The following ZFHX3 variants were observed in gnomAD, a reference collection of about 807,000 sequenced individuals.
ZFHX3 encodes the protein zinc finger homeobox 3.
In ZFHX3, 42 loss-of-function variants were observed where a neutral mutation model predicts 279.1. The observed-to-expected ratio is 0.15, with a 90% CI of 0.12 to 0.19. ZFHX3 has a LOEUF of 0.19. Among genes scored for constraint, ZFHX3 ranks in the 10% least tolerant of loss-of-function variants. ZFHX3 has a pLI of 1.00. For missense variants in ZFHX3, 4,981 were observed against 4,754.0 expected (o/e 1.05, Z -1.40); for synonymous variants, 2,293 against 1,957.8 (o/e 1.17, Z -4.52).
At chr16:73,571,985 G>A (rs1035849963) in intron 2 of ZFHX3, among the ~76,000 whole-genome samples, 59 of 152,138 alleles carry the variant, frequency 3.9e-4, no homozygotes, top group Admixed American at 5.2e-4. Context: ...CAGCCCAGAA[G>A]TTCTAAGGGA....
chr16:72,925,600 C>A (rs1959405329), intron 3 of ZFHX3, among the ~76,000 whole-genome samples: 1 of 152,260 alleles, frequency 6.6e-6, no homozygotes, highest in Non-Finnish European at 1.5e-5. Flanking sequence ...TCCACTTAAC[C>A]CCGTCCCGTG....
intron 5 of ZFHX3, among the ~76,000 whole-genome samples, chr16:72,823,225 C>A (rs766331698): frequency 6.6e-6 from 1 of 152,160 alleles, no homozygotes. Flanking sequence ...AAAGGGGCCA[C>A]GCAAAATGGG....
chr16:73,270,824 G>A (rs556318145), intron 4 of ZFHX3, among the ~76,000 whole-genome samples: 14 of 152,162 alleles, frequency 9.2e-5, no homozygotes, highest in East Asian at 1.9e-4. Flanking sequence ...TACCCACTGC[G>A]TGCTGGGAGG....
chr16:73,707,643 T>C (rs909504787), intron 1 of ZFHX3, among the ~76,000 whole-genome samples: 2 of 150,010 alleles, frequency 1.3e-5, no homozygotes, highest in Non-Finnish European at 3.0e-5. Context: ...TAATGCTAAA[T>C]GACAAGTTAA....
At chr16:73,880,532 G>A (rs2030112169) in intron 1 of ZFHX3, among the ~76,000 whole-genome samples, 1 of 152,164 alleles carries the variant, frequency 6.6e-6, no homozygotes, top group Admixed American at 6.6e-5. Context: ...AAAGAAGTTA[G>A]AGTCTGGGGA....
intron 4 of ZFHX3, among the ~76,000 whole-genome samples, chr16:72,867,548 GA>G (rs2038051982): frequency 6.6e-6 from 1 of 152,172 alleles, no homozygotes; most frequent in Admixed American, 6.5e-5. Flanking sequence ...TACCCTCATG[GA>G]GTACGACTAC....
intron 5 of ZFHX3, among the ~76,000 whole-genome samples, chr16:73,147,421 G>C (rs1292158927): frequency 6.6e-6 from 1 of 151,926 alleles, no homozygotes; most frequent in Non-Finnish European, 1.5e-5. Flanking sequence ...GGCCGGGCGC[G>C]GTGGCTCACG....
intron 2 of ZFHX3, among the ~76,000 whole-genome samples, chr16:73,536,499 T>A (rs2019903939): frequency 6.6e-6 from 1 of 152,238 alleles, no homozygotes; most frequent in African/African-American, 2.4e-5. Context: ...AGAAAAGAAA[T>A]GCAATTCCTT....
chr16:72,788,504 T>C lies in ZFHX3; in HGVS notation c.9772A>G (p.Lys3258Glu), dbSNP rs1382098525. The C allele has an allele frequency of 6.2e-7, 1 of 1,614,080 alleles. No homozygotes were observed. The highest frequency in any genetic ancestry group is 1.3e-5 in the African/African-American group (1 of 74,938). ...GTGGGGGCCTCTCCTTTCTCCTTCT[T>C]GGGGACAGGCAGGGGTTCCCCTTTC... ...KGKGEPLPVP[K>E]KEKGEAPTAT... The change falls in exon 10 of 10, where the codon AAG (lysine) becomes GAG (glutamate). Residue 3258 changes from lysine (K) to glutamate (E), a missense_variant. Coordinates refer to ENST00000268489, the MANE Select transcript of ZFHX3 (RefSeq NM_006885.4).
Position 73,291,536 on chromosome 16 carries a change from A to G in ZFHX3, c.-1194+26704T>C, listed in dbSNP as rs1476335310. On this transcript the variant is annotated intron_variant, in intron 4 of 17. Coordinates refer to the ZFHX3 transcript ENST00000641206. ...ATTTTTACATTAATGACATCTCAAC[A>G]TGGAGTTGCTCAGGAGAGCATCTGC... 2.0e-5 allele frequency among the ~76,000 whole-genome samples: 3 copies of G among 152,214 alleles called. No individual in the cohort carries two copies. In the East Asian group the frequency reaches 5.8e-4, roughly 29 times the overall value.
intron 4 of ZFHX3, among the ~76,000 whole-genome samples, chr16:72,835,114 G>A (rs371777062): frequency 1.6e-4 from 24 of 152,138 alleles, no homozygotes; most frequent in South Asian, 6.2e-4. Flanking sequence ...TGTGATCCCC[G>A]AAGAATGAAA....
At chr16:72,846,848 G>A (rs2037494146) in intron 4 of ZFHX3, among the ~76,000 whole-genome samples, 1 of 152,208 alleles carries the variant, frequency 6.6e-6, no homozygotes, top group Non-Finnish European at 1.5e-5. Context: ...TCACGGTGAA[G>A]AAACACAAAG....
chr16:72,835,074 T>C (rs890390008), intron 4 of ZFHX3, among the ~76,000 whole-genome samples: 2 of 152,164 alleles, frequency 1.3e-5, no homozygotes, highest in Non-Finnish European at 2.9e-5. Context: ...GGCTCTCACA[T>C]GATCATGTTA....
chr16:73,836,454 T>A (rs1488857719), intron 1 of ZFHX3, among the ~76,000 whole-genome samples: 2 of 152,190 alleles, frequency 1.3e-5, no homozygotes, highest in African/African-American at 4.8e-5. Flanking sequence ...AAAAATGGGA[T>A]AGATTCAGGA....
chr16:73,324,582 A>C (rs542570667), intron 3 of ZFHX3, among the ~76,000 whole-genome samples: 1 of 152,360 alleles, frequency 6.6e-6, no homozygotes, highest in South Asian at 2.1e-4. Flanking sequence ...TGCAATGATG[A>C]AAGTGGGTTA....
intron 2 of ZFHX3, among the ~76,000 whole-genome samples, chr16:73,537,425 G>A (rs768397654): frequency 2.8e-5 from 4 of 142,318 alleles, no homozygotes; most frequent in African/African-American, 2.6e-5. Flanking sequence ...CAAGTGATTC[G>A]CCTGTCTCAG....
At chr16:73,524,038 T>C (rs1352114054) in intron 2 of ZFHX3, among the ~76,000 whole-genome samples, 1 of 152,174 alleles carries the variant, frequency 6.6e-6, no homozygotes, top group African/African-American at 2.4e-5. Flanking sequence ...CTGGCAGCTC[T>C]GCTGTGCCAG....
At chr16:73,766,100 C>A (rs994077588) in intron 1 of ZFHX3, among the ~76,000 whole-genome samples, 1 of 152,160 alleles carries the variant, frequency 6.6e-6, no homozygotes, top group South Asian at 2.1e-4. Flanking sequence ...TTCTCCCAAT[C>A]CCACCCCTTG....
At chr16:73,355,619 C>A (rs1016977361) in intron 3 of ZFHX3, among the ~76,000 whole-genome samples, 1 of 152,114 alleles carries the variant, frequency 6.6e-6, no homozygotes, top group Non-Finnish European at 1.5e-5. Flanking sequence ...ATACAAGAGT[C>A]CTATAAAGGA....
Sources: gnomAD v4.1 joint callset for allele counts (sites outside exome capture counted in the v4.1 genomes callset) on GRCh38, gnomAD v4.1.1 for gene constraint, MANE v1.5 for transcripts, NCBI Gene and HGNC (gene_info 2026-07-23, HGNC 2026-07-21) for gene names.